The following EPSTI1 variants were observed in gnomAD, a reference collection of about 807,000 sequenced individuals.
EPSTI1 encodes the protein epithelial-stromal interaction protein 1.
In EPSTI1, 66 loss-of-function variants were observed where a neutral mutation model predicts 49.9. The ratio of observed to expected loss-of-function variants is 1.32; its 90% CI spans 1.08 to 1.62. EPSTI1 has a LOEUF of 1.62. Among genes scored for constraint, EPSTI1 ranks in the 40% most tolerant of loss-of-function variants. EPSTI1 has a pLI of 0.00. For missense variants in EPSTI1, 394 were observed against 365.5 expected, an observed-to-expected ratio of 1.08 and a Z score of -0.64; for synonymous variants, 137 against 130.7, an observed-to-expected ratio of 1.05 and a Z score of -0.33.
chr13:42,935,294 G>A (rs1268250546), intron 6 of EPSTI1, among the ~76,000 whole-genome samples: 1 of 152,156 alleles, frequency 6.6e-6, no homozygotes, highest in African/African-American at 2.4e-5. Flanking sequence ...GCAGCTTAGA[G>A]CCCATAGTCC....
chr13:42,954,021 T>C lies in EPSTI1; in HGVS notation c.490A>G (p.Ser164Gly). The C allele has an allele frequency of 6.2e-7, 1 of 1,610,304 alleles. No individual in the cohort carries two copies. Among genetic ancestry groups the C allele is most frequent in the Non-Finnish European group, 8.5e-7 (1 of 1,178,752 alleles). ...QKMKAIQREK[S>G]NKLEEKKRLQ... ...CTTTTTTTCTCCTCCAGTTTATTGCTCTGAAATTGCAAATATCAAAACATA... is the reference window on the plus strand; with the variant it reads ...CTTTTTTTCTCCTCCAGTTTATTGCCCTGAAATTGCAAATATCAAAACATA... Residue 164 changes from serine (S) to glycine (G), a missense_variant and splice_region_variant, in exon 6 of 11, where the codon AGC becomes GGC. Coordinates refer to ENST00000313624, the MANE Select transcript of EPSTI1 (RefSeq NM_033255.5).
intron 6 of EPSTI1, among the ~76,000 whole-genome samples, chr13:42,929,875 A>T (rs1294530060): frequency 5.3e-5 from 8 of 152,208 alleles, no homozygotes; most frequent in African/African-American, 1.9e-4. Flanking sequence ...CTTGGCAGAT[A>T]CCATTCCAGA....
In EPSTI1 at chr13:42,894,980, G is replaced by A. The variant is rs2037147813; in HGVS notation, c.915+29C>T. 2.0e-6 allele frequency: 3 copies of A among 1,533,330 alleles called. No homozygotes were observed. In the East Asian group the frequency reaches 6.8e-5, roughly 35 times the overall value. The allele number at this position is 1,533,330 out of a possible 1,614,324, so 95.0% of individuals were successfully genotyped here. A position where few individuals can be genotyped will look rare whatever the true frequency, so the allele number is the denominator to read the frequency against. On this transcript the variant is annotated intron_variant, in intron 10 of 10. Transcript: ENST00000313624. ...TTGTTTTTATTCTTCAACATTGAAAGATGATTTAAGAGAAAAGAAAAAACT... is the reference window on the plus strand; with the variant it reads ...TTGTTTTTATTCTTCAACATTGAAAAATGATTTAAGAGAAAAGAAAAAACT...
At chr13:42,894,206 A>G (rs765540651) in intron 10 of EPSTI1, among the ~76,000 whole-genome samples, 1 of 152,236 alleles carries the variant, frequency 6.6e-6, no homozygotes, top group Non-Finnish European at 1.5e-5. Context: ...AGTATTTATT[A>G]AAGGAAGATC....
chr13:42,914,028 C>T (rs1347293329), intron 8 of EPSTI1, among the ~76,000 whole-genome samples: 1 of 152,122 alleles, frequency 6.6e-6, no homozygotes, highest in African/African-American at 2.4e-5. Context: ...TCTAAGTTTC[C>T]TGAGGCCTCC....
rs1169237735 is a variant in EPSTI1, at chr13:42,922,133, A to G, written c.657+4203T>C. ...ATTACTGAATAATTATAAGAATGAGAGGAAGAAATGAGTTAATAAGGTCTA... is the reference window on the plus strand; with the variant it reads ...ATTACTGAATAATTATAAGAATGAGGGGAAGAAATGAGTTAATAAGGTCTA... On this transcript the variant is annotated intron_variant, in intron 7 of 10. Coordinates refer to ENST00000313624, the MANE Select transcript of EPSTI1 (RefSeq NM_033255.5). The surrounding 1 kb of genome is among the most constrained non-coding windows in gnomAD (Gnocchi z 4.8). Among the ~76,000 whole-genome samples the G allele has an allele frequency of 2.0e-5, 3 of 152,344 alleles. No individual in the cohort carries two copies. Among genetic ancestry groups the G allele is most frequent in the African/African-American group, 4.8e-5 (2 of 41,580 alleles).
chr13:42,946,251 A>G (rs1291958618), intron 6 of EPSTI1, among the ~76,000 whole-genome samples: 2 of 152,200 alleles, frequency 1.3e-5, no homozygotes, highest in African/African-American at 2.4e-5. Context: ...ATGCAAGTAA[A>G]GAAGATGCAT....
Position 42,927,027 on chromosome 13 carries a change from A to G in EPSTI1, c.564-598T>C, listed in dbSNP as rs2038205599. ...CACACACACACACACACACACACAC[A>G]CAGTCCTTTGCATTTTGTTTCAGAG... On this transcript the variant is annotated intron_variant, in intron 6 of 10. Transcript: ENST00000313624. Among the ~76,000 whole-genome samples, 3 of 135,092 alleles carry G rather than the reference A, an allele frequency of 2.2e-5. No individual in the cohort carries two copies. The South Asian group carries it at 7.0e-4, about 31-fold the overall frequency. 88.6% of individuals were successfully genotyped at this position (135,092 alleles called of 152,430 possible).
chr13:42,906,930 A>C (rs1188111994), intron 8 of EPSTI1, among the ~76,000 whole-genome samples: 1 of 152,234 alleles, frequency 6.6e-6, no homozygotes, highest in African/African-American at 2.4e-5. Flanking sequence ...AAAATGATCA[A>C]ATCAGGGCAC....
intron 8 of EPSTI1, among the ~76,000 whole-genome samples, chr13:42,916,206 A>G (rs552279824): frequency 6.6e-6 from 1 of 152,064 alleles, no homozygotes; most frequent in East Asian, 1.9e-4. Context: ...GAATCTTACC[A>G]TAACATTGCC....
chr13:42,955,247 A>G (rs1215652085), intron 5 of EPSTI1, among the ~76,000 whole-genome samples: 1 of 152,282 alleles, frequency 6.6e-6, no homozygotes, highest in East Asian at 1.9e-4. Context: ...TTCAATTGTG[A>G]TGAGTTCCCT....
chr13:42,890,612 T>TC (rs2037009767), intron 10 of EPSTI1, among the ~76,000 whole-genome samples: 1 of 152,160 alleles, frequency 6.6e-6, no homozygotes, highest in South Asian at 2.1e-4. Flanking sequence ...TTAGAATTTT[T>TC]TAAAAAGGGT....
At chr13:42,911,260 TGTGTGC>T (rs1230060883) in intron 8 of EPSTI1, among the ~76,000 whole-genome samples, 1 of 123,998 alleles carries the variant, frequency 8.1e-6, no homozygotes, top group East Asian at 3.8e-4. Context: ...TGTGTGTGTG[TGTGTGC>T]GCGCGCACGC....
intron 3 of EPSTI1, among the ~76,000 whole-genome samples, chr13:42,968,258 T>C (rs1366542148): frequency 2.6e-5 from 4 of 151,958 alleles, no homozygotes; most frequent in African/African-American, 7.2e-5. Context: ...GGGATGATGA[T>C]AATATTACTA....
intron 2 of EPSTI1, 92 bp from the exon 3 acceptor site, chr13:42,969,269 C>A: frequency 8.1e-7 from 1 of 1,229,400 alleles, no homozygotes; most frequent in South Asian, 1.3e-5. Flanking sequence ...TATTAGAAGG[C>A]AATTAACTAT....
rs78222138 is a variant in EPSTI1 at position 42,946,934 on chromosome 13, C to A, written c.563+7014G>T. On this transcript the variant is annotated intron_variant, in intron 6 of 10. Coordinates refer to ENST00000313624, the MANE Select transcript of EPSTI1 (RefSeq NM_033255.5). ...ACAGTTTCATCCCAAAACCATCCCC[C>A]TTGCCCCATTCATGGAAAAATTGCC... Among the ~76,000 whole-genome samples, 1,516 of 152,308 alleles carry A rather than the reference C, an allele frequency of 1.0e-2. 20 individuals are homozygous for A. Among genetic ancestry groups the A allele is most frequent in the African/African-American group, 0.034 (1,400 of 41,562 alleles).
intron 7 of EPSTI1, among the ~76,000 whole-genome samples, chr13:42,923,924 A>T (rs1347911139): frequency 6.6e-6 from 1 of 152,262 alleles, no homozygotes; most frequent in East Asian, 1.9e-4. Flanking sequence ...TACATTAGGT[A>T]GTAAAATTAA....
At chr13:42,943,255 C>A (rs2038816616) in intron 6 of EPSTI1, among the ~76,000 whole-genome samples, 1 of 152,206 alleles carries the variant, frequency 6.6e-6, no homozygotes, top group South Asian at 2.1e-4. Flanking sequence ...ACTTTCTGGG[C>A]CCCAGGGCCT....
At chr13:42,907,763 T>A (rs1329798853) in intron 8 of EPSTI1, among the ~76,000 whole-genome samples, 3 of 152,262 alleles carry the variant, frequency 2.0e-5, no homozygotes, top group African/African-American at 7.2e-5. Context: ...TACTAGAATT[T>A]CATTAAACTT....
Sources: allele counts gnomAD v4.1 joint callset (sites outside exome capture counted in the v4.1 genomes callset), GRCh38; gene constraint gnomAD v4.1.1; non-coding constraint Gnocchi (gnomAD v3.1); transcripts MANE v1.5; gene names NCBI Gene and HGNC (gene_info 2026-07-23, HGNC 2026-07-21).